Variants in CSMD3 observed in about 807,000 individuals in gnomAD.
CSMD3 encodes CUB and Sushi multiple domains 3.
Under a neutral mutation model 435.2 loss-of-function variants are expected in CSMD3, and 177 were observed. That is an observed-to-expected ratio of 0.41 (90% CI 0.36 to 0.46). The LOEUF (loss-of-function observed/expected upper bound fraction) is 0.46, where lower values mean the gene tolerates loss of function less well. Ranked by LOEUF, CSMD3 falls within the 20% of genes least tolerant of loss-of-function variation. The probability of loss-of-function intolerance (pLI) is 0.34; values close to 1 mark genes in which losing one functional copy is unlikely to be tolerated. For synonymous variants in CSMD3, 1,656 were observed against 1,520.5 expected, an observed-to-expected ratio of 1.09 and a Z score of -2.07; for missense variants, 4,265 against 4,504.6, an observed-to-expected ratio of 0.95 and a Z score of 1.52.
At chr8:113,286,232 T>A (rs1158275606) in intron 2 of CSMD3, among the ~76,000 whole-genome samples, 1 of 152,116 alleles carries the variant, frequency 6.6e-6, no homozygotes, top group African/African-American at 2.4e-5. Context: ...CCCTTTTGGA[T>A]GAAAACATTC....
At chr8:112,425,412 A>G (rs1280216760) in intron 32 of CSMD3, among the ~76,000 whole-genome samples, 1 of 152,210 alleles carries the variant, frequency 6.6e-6, no homozygotes, top group Non-Finnish European at 1.5e-5. Context: ...GAACAAATCT[A>G]AAGGAAGCCT....
chr8:112,767,194 C>A (rs964251202), intron 13 of CSMD3, among the ~76,000 whole-genome samples: 7 of 151,684 alleles, frequency 4.6e-5, no homozygotes, highest in Non-Finnish European at 1.0e-4. Flanking sequence ...AGTAGAGAAG[C>A]AAATTGAGTT....
At chr8:112,300,262 G>C (rs1820786443) in intron 53 of CSMD3, among the ~76,000 whole-genome samples, 1 of 142,254 alleles carries the variant, frequency 7.0e-6, no homozygotes. Context: ...AAATACTTGA[G>C]TATGTATAAA....
intron 4 of CSMD3, among the ~76,000 whole-genome samples, chr8:113,134,116 T>C (rs370173965): frequency 6.6e-6 from 1 of 152,106 alleles, no homozygotes; most frequent in African/African-American, 2.4e-5. Context: ...CATTTACAGA[T>C]TGCAAACTGT....
At chr8:113,179,751 T>C (rs961213908) in intron 3 of CSMD3, among the ~76,000 whole-genome samples, 1 of 151,636 alleles carries the variant, frequency 6.6e-6, no homozygotes, top group Non-Finnish European at 1.5e-5. Flanking sequence ...TATAAAGGAC[T>C]ATAGGAGAAC....
intron 5 of CSMD3, among the ~76,000 whole-genome samples, chr8:113,062,177 C>A (rs2088644126): frequency 6.6e-6 from 1 of 151,768 alleles, no homozygotes; most frequent in Admixed American, 6.6e-5. Context: ...TTTCTCTAAG[C>A]ATTCAAATTG....
At chr8:112,808,837 A>G (rs1311146525) in intron 12 of CSMD3, among the ~76,000 whole-genome samples, 1 of 152,074 alleles carries the variant, frequency 6.6e-6, no homozygotes, top group Non-Finnish European at 1.5e-5. Flanking sequence ...CTCGGTCGCC[A>G]GCAATAAAAG....
In CSMD3 at chr8:112,409,352, G is replaced by A. The variant is rs540997107; in HGVS notation, c.5396-320C>T. Among the ~76,000 whole-genome samples the A allele has an allele frequency of 9.2e-5, 14 of 151,774 alleles. No individual in the cohort carries two copies. In the East Asian group the frequency reaches 2.7e-3, roughly 29 times the overall value. On this transcript the variant is annotated intron_variant, in intron 32 of 70. Coordinates refer to ENST00000297405, the MANE Select transcript of CSMD3 (RefSeq NM_198123.2). Reference sequence around the variant, plus strand: ...TAATACTTTATAGTAACTACTTTTGGCTTTTCTCAATGGTGGTTTGATTCT... The same window carrying A: ...TAATACTTTATAGTAACTACTTTTGACTTTTCTCAATGGTGGTTTGATTCT...
intron 10 of CSMD3, among the ~76,000 whole-genome samples, chr8:112,872,695 G>GGTATTA (rs1443541902): frequency 5.3e-5 from 8 of 151,678 alleles, no homozygotes; most frequent in African/African-American, 1.9e-4. Flanking sequence ...AAAGATACAT[G>GGTATTA]GTATTAAGTC....
chr8:112,503,419 T>C (rs1425220597), intron 30 of CSMD3, among the ~76,000 whole-genome samples: 3 of 152,244 alleles, frequency 2.0e-5, no homozygotes, highest in African/African-American at 4.8e-5. Context: ...GTCTACGTTG[T>C]TCCCTTTATC....
intron 41 of CSMD3, among the ~76,000 whole-genome samples, chr8:112,342,993 A>ATATTTT (rs1233796060): frequency 3.8e-5 from 1 of 26,146 alleles, no homozygotes; most frequent in African/African-American, 7.7e-5. Flanking sequence ...ATATTTATAT[A>ATATTTT]TATATATTTA....
chr8:112,690,021 C>A lies in CSMD3; in HGVS notation c.2002G>T (p.Gly668Cys). ...EIEKESCGDP[G>C]TPLYGIREGD... Reference sequence around the variant, plus strand: ...TCTCTAATTCCATATAAGGGTGTACCAGGATCACCACAACTTTCTTTCTCA... The same window carrying A: ...TCTCTAATTCCATATAAGGGTGTACAAGGATCACCACAACTTTCTTTCTCA... The change falls in exon 14 of 71, where the codon GGT (glycine) becomes TGT (cysteine). Residue 668 changes from glycine to cysteine, a missense_variant. This residue lies in a region of CSMD3 where 279 missense variants were observed against 369.0 expected (regional missense o/e 0.76). Coordinates refer to ENST00000297405, the MANE Select transcript of CSMD3 (RefSeq NM_198123.2). The A allele has an allele frequency of 6.2e-7, 1 of 1,613,168 alleles. No individual in the cohort carries two copies. Among genetic ancestry groups the A allele is most frequent in the Non-Finnish European group, 8.5e-7 (1 of 1,179,400 alleles).
At position 112,420,004 on chromosome 8, in the gene CSMD3, T is replaced by C. The variant is rs181664397; in HGVS notation, c.5396-10972A>G. Among the ~76,000 whole-genome samples, 353 of 152,356 alleles carry C rather than the reference T, an allele frequency of 2.3e-3. 1 individual carries two copies. The highest frequency in any genetic ancestry group is 3.4e-3 in the Non-Finnish European group (232 of 68,024). ...ACTTTTGTTTTGAACCATTTTCAAT[T>C]TGAATGTGTGCTTTTATTTAATCAC... On this transcript the variant is annotated intron_variant, in intron 32 of 70. Transcript: ENST00000297405.
Position 112,387,029 on chromosome 8 carries a change from CATGGCTTAT to C in CSMD3, c.5935-3375_5935-3367del, listed in dbSNP as rs776238683. Among the ~76,000 whole-genome samples the C allele has an allele frequency of 2.4e-3, 364 of 152,258 alleles. 1 individual carries two copies. Among genetic ancestry groups the C allele is most frequent in the Non-Finnish European group, 4.0e-3 (274 of 68,020 alleles). ...ATAATGTAGCCAACATATTTTCCCC[CATGGCTTAT>C]TACATAAATATTTCCCTTTTCTTGA... On this transcript the variant is annotated intron_variant, in intron 36 of 70. Coordinates refer to ENST00000297405, the MANE Select transcript of CSMD3 (RefSeq NM_198123.2).
rs79679827 is a variant in CSMD3, at chr8:113,218,590, A to C, written c.515-44674T>G. Among the ~76,000 whole-genome samples the C allele has an allele frequency of 3.0e-3, 460 of 151,330 alleles. 2 individuals carry two copies. Among genetic ancestry groups the C allele is most frequent in the African/African-American group, 9.4e-3 (388 of 41,458 alleles). On this transcript the variant is annotated intron_variant, in intron 3 of 70. Coordinates refer to ENST00000297405, the MANE Select transcript of CSMD3 (RefSeq NM_198123.2). ...CATTGAAGAAAAAATAAACAGAAAA[A>C]CATGAGCACTCAATAGATGCAGAAA...
At chr8:113,001,124 G>A (rs558412438) in intron 6 of CSMD3, among the ~76,000 whole-genome samples, 4 of 151,818 alleles carry the variant, frequency 2.6e-5, no homozygotes, top group East Asian at 1.9e-4. Context: ...CTAGGCAATC[G>A]TCTTTTCTCA....
At position 112,899,599 on chromosome 8, in the gene CSMD3, T is replaced by TTATATATA. The variant is rs71309794; in HGVS notation, c.1633+22020_1633+22027dup. 4.0e-3 allele frequency among the ~76,000 whole-genome samples: 403 copies of TTATATATA among 99,944 alleles called. 2 individuals are homozygous for TTATATATA. The highest frequency in any genetic ancestry group is 5.7e-3 in the Non-Finnish European group (286 of 50,040). The allele number at this position is 99,944 out of a possible 152,430, so 65.6% of individuals were successfully genotyped here. On this transcript the variant is annotated intron_variant, in intron 10 of 70. Transcript: ENST00000297405. ...TAACCCAAAATTTTGCTTGTCTATT[T>TTATATATA]TATATATATATATATATATATATAT...
chr8:113,070,846 A>T (rs2089080286), intron 5 of CSMD3, among the ~76,000 whole-genome samples: 1 of 152,038 alleles, frequency 6.6e-6, no homozygotes, highest in Admixed American at 6.6e-5. Flanking sequence ...CAGATGTGAG[A>T]TTGCTGGATC....
chr8:112,718,529 A>G (rs1213410951), intron 13 of CSMD3, among the ~76,000 whole-genome samples: 1 of 150,422 alleles, frequency 6.6e-6, no homozygotes, highest in East Asian at 1.9e-4. Context: ...ATATATATAT[A>G]TATATATGCA....
Sources: gnomAD v4.1 joint callset for allele counts (sites outside exome capture counted in the v4.1 genomes callset) on GRCh38, gnomAD v4.1.1 for gene constraint, gnomAD v4.1.1 regional missense constraint, MANE v1.5 for transcripts, NCBI Gene and HGNC (gene_info 2026-07-23, HGNC 2026-07-21) for gene names.